Variants in LTBP1 observed in about 807,000 individuals in gnomAD.
The protein encoded by LTBP1 is latent transforming growth factor beta binding protein 1, also known as latent-transforming growth factor beta-binding protein 1.
LTBP1 carries 129 observed loss-of-function variants against 207.6 expected under a neutral mutation model. The ratio of observed to expected loss-of-function variants is 0.62; its 90% confidence interval spans 0.54 to 0.72. LTBP1 has a LOEUF of 0.72. Ranked by LOEUF, LTBP1 falls within the 30% of genes least tolerant of loss-of-function variation. The probability of loss-of-function intolerance (pLI) is 0.00; values close to 1 mark genes in which losing one functional copy is unlikely to be tolerated. For synonymous variants in LTBP1, 963 were observed against 833.7 expected (o/e 1.16, Z -2.67); for missense variants, 2,281 against 2,217.2 (o/e 1.03, Z -0.58).
chr2:33,327,162 A>G (rs1021985888), intron 24 of LTBP1, among the ~76,000 whole-genome samples: 1 of 152,218 alleles, frequency 6.6e-6, no homozygotes, highest in Non-Finnish European at 1.5e-5. Context: ...GGGTGAGTCC[A>G]GTGAGGACCC....
chr2:33,219,401 C>T (rs1262231784), intron 8 of LTBP1, among the ~76,000 whole-genome samples: 1 of 152,142 alleles, frequency 6.6e-6, no homozygotes, highest in Non-Finnish European at 1.5e-5. Flanking sequence ...AGCTATGATG[C>T]ATTTGGTTTG....
At chr2:33,339,472 T>C (rs1357579459) in intron 24 of LTBP1, among the ~76,000 whole-genome samples, 1 of 152,164 alleles carries the variant, frequency 6.6e-6, no homozygotes, top group Admixed American at 6.5e-5. Context: ...CAGTGGCCTG[T>C]GTTAAGTGAT....
intron 5 of LTBP1, among the ~76,000 whole-genome samples, chr2:33,156,039 AC>A (rs1334227314): frequency 1.3e-5 from 2 of 152,172 alleles, no homozygotes; most frequent in African/African-American, 2.4e-5. Context: ...AATAACAACT[AC>A]CACTATCGAG....
chr2:33,281,970 A>G (rs1358476589), intron 19 of LTBP1, among the ~76,000 whole-genome samples: 1 of 151,790 alleles, frequency 6.6e-6, no homozygotes, highest in Admixed American at 6.6e-5. Flanking sequence ...GCCCTGATTC[A>G]TGAATTTATT....
At chr2:33,052,383 G>T (rs184755775) in intron 3 of LTBP1, among the ~76,000 whole-genome samples, 5 of 152,330 alleles carry the variant, frequency 3.3e-5, no homozygotes, top group African/African-American at 1.2e-4. Flanking sequence ...GACTGAATTA[G>T]ATTATTTAAA....
At chr2:33,247,453 A>C (rs1421840038) in intron 10 of LTBP1, among the ~76,000 whole-genome samples, 2 of 152,240 alleles carry the variant, frequency 1.3e-5, no homozygotes, top group African/African-American at 4.8e-5. Flanking sequence ...ATTATAGCCC[A>C]TGGGAAAAAA....
Position 33,134,744 on chromosome 2 carries a change from A to G in LTBP1, c.1034-49A>G, listed in dbSNP as rs1572791513. ...AACCTTCCAAGGCAAGTTCATGGAT[A>G]CTAAGCTGATGTGTTTGTTGTTCTT... is the stretch of plus-strand genomic sequence containing the variant. On this transcript the variant is annotated intron_variant, in intron 4 of 33. Transcript: ENST00000404816. The surrounding 1 kb of genome is among the most constrained non-coding windows in gnomAD (Gnocchi z 4.4). 4 of 1,613,802 alleles carry G rather than the reference A, an allele frequency of 2.5e-6. No individual in the cohort carries two copies. The highest frequency in any genetic ancestry group is 3.4e-6 in the Non-Finnish European group (4 of 1,179,942).
intron 2 of LTBP1, among the ~76,000 whole-genome samples, chr2:33,017,012 G>T (rs1423983799): frequency 6.6e-6 from 1 of 152,098 alleles, no homozygotes; most frequent in Non-Finnish European, 1.5e-5. Flanking sequence ...GTAAGACTAT[G>T]TCTCAAAAAA....
chr2:33,181,190 G>A (rs4670833), intron 5 of LTBP1, among the ~76,000 whole-genome samples: 78,423 of 151,656 alleles, frequency 0.52, 20,459 homozygotes, highest in African/African-American at 0.53. Context: ...ACCAGCAGCC[G>A]AAGTATTTTT....
chr2:32,975,593 T>G (rs965648143), intron 2 of LTBP1, among the ~76,000 whole-genome samples: 60 of 61,446 alleles, frequency 9.8e-4, no homozygotes, highest in Non-Finnish European at 1.6e-3. Context: ...GTTTTTTTTT[T>G]TTTTTTTTTT....
intron 3 of LTBP1, among the ~76,000 whole-genome samples, chr2:33,058,654 A>G (rs1347746276): frequency 6.6e-6 from 1 of 152,242 alleles, no homozygotes; most frequent in East Asian, 1.9e-4. Flanking sequence ...GCTGCTATCA[A>G]TGGCATGTTA....
At chr2:33,067,571 G>A (rs2077576731) in intron 3 of LTBP1, among the ~76,000 whole-genome samples, 1 of 152,190 alleles carries the variant, frequency 6.6e-6, no homozygotes. Flanking sequence ...AATGGCATCT[G>A]TACTGAACAT....
chr2:33,259,176 A>G (rs2092945521), intron 12 of LTBP1, among the ~76,000 whole-genome samples: 1 of 152,228 alleles, frequency 6.6e-6, no homozygotes, highest in African/African-American at 2.4e-5. Flanking sequence ...AACACTTGAC[A>G]CCAGAAAGCA....
intron 24 of LTBP1, among the ~76,000 whole-genome samples, chr2:33,338,214 A>T (rs2094575068): frequency 1.3e-5 from 2 of 152,182 alleles, no homozygotes; most frequent in African/African-American, 2.4e-5. Context: ...AATCCAAAAT[A>T]TTGCTCATCT....
intron 3 of LTBP1, among the ~76,000 whole-genome samples, chr2:33,036,156 G>A (rs544928103): frequency 1.3e-5 from 2 of 152,314 alleles, no homozygotes; most frequent in Admixed American, 6.5e-5. Flanking sequence ...GCATGAATCA[G>A]AATCGCCGGT....
rs773155091 is a variant in LTBP1, at chr2:33,110,668, A to C, written c.950A>C (p.Gln317Pro). Residue 317 changes from glutamine to proline, a missense_variant, in exon 4 of 34, where the codon CAG becomes CCG. Transcript: ENST00000404816. ...YVLKPKYFPA[Q>P]KGISGEQSTE... ...CTCAAGCCCAAGTACTTTCCAGCCCAGAAGGGGATTTCAGGAGAGCAGTCC... is the reference window on the plus strand; with the variant it reads ...CTCAAGCCCAAGTACTTTCCAGCCCCGAAGGGGATTTCAGGAGAGCAGTCC... 1 of 1,614,080 alleles carries C rather than the reference A, an allele frequency of 6.2e-7. No homozygotes were observed. The highest frequency in any genetic ancestry group is 1.3e-5 in the African/African-American group (1 of 74,932).
Position 33,188,715 on chromosome 2 carries a change from C to T in LTBP1, c.1565C>T (p.Ser522Leu), listed in dbSNP as rs773131851. ...GCTCAACCAGGCCAATCCCAAGTCT[C>T]GTACCAAGGGCTTCCTGTCCAGAAG... ...KEAQPGQSQV[S>L]YQGLPVQKTQ... Residue 522 changes from serine to leucine, a missense_variant, in exon 7 of 34, where the codon TCG becomes TTG. Physicochemically the swap from Ser to Leu is moderately radical, Grantham distance 145 (BLOSUM62 -2). Coordinates refer to ENST00000404816, the MANE Select transcript of LTBP1 (RefSeq NM_206943.4). 3.1e-6 allele frequency: 5 copies of T among 1,614,058 alleles called. No individual in the cohort carries two copies. The African/African-American group carries it at 5.3e-5, about 17-fold the overall frequency.
Position 33,134,428 on chromosome 2 carries a change from C to T in LTBP1, c.1034-365C>T. 1 of 621,312 alleles carries T rather than the reference C, an allele frequency of 1.6e-6. No individual in the cohort carries two copies. Among genetic ancestry groups the T allele is most frequent in the Non-Finnish European group, 2.8e-6 (1 of 353,166 alleles). 38.5% of individuals were successfully genotyped at this position (621,312 alleles called of 1,614,324 possible). A position where few individuals can be genotyped will look rare whatever the true frequency, so the allele number is the denominator to read the frequency against. On this transcript the variant is annotated intron_variant, in intron 4 of 33. Coordinates refer to ENST00000404816, the MANE Select transcript of LTBP1 (RefSeq NM_206943.4). This position sits in a 1 kb window ranked among gnomAD's most constrained non-coding sequence, Gnocchi z 4.4. ...GCCAACCCCTTTGCATTACATCTGCCTGTCAGGGTTGGCTCTTTAATCTGT... is the reference window on the plus strand; with the variant it reads ...GCCAACCCCTTTGCATTACATCTGCTTGTCAGGGTTGGCTCTTTAATCTGT...
chr2:33,351,425 T>C (rs2094780108), intron 26 of LTBP1, among the ~76,000 whole-genome samples: 2 of 152,214 alleles, frequency 1.3e-5, no homozygotes, highest in Non-Finnish European at 2.9e-5. Context: ...AATTGGCTTT[T>C]CTCATTTTGT....
Sources: gnomAD v4.1 joint callset for allele counts (sites outside exome capture counted in the v4.1 genomes callset) on GRCh38, gnomAD v4.1.1 for gene constraint, Gnocchi (gnomAD v3.1) non-coding constraint, MANE v1.5 for transcripts, NCBI Gene and HGNC (gene_info 2026-07-23, HGNC 2026-07-21) for gene names.